The following MSN variants were observed in gnomAD, a reference collection of about 807,000 sequenced individuals.
MSN encodes the protein epididymis luminal protein 70.
A neutral mutation model predicts 48.0 loss-of-function variants in MSN; 2 were observed. The observed-to-expected ratio is 0.04, with a 90% CI of 0.02 to 0.13. The LOEUF is 0.13. Among genes scored for constraint, MSN ranks in the 10% least tolerant of loss-of-function variants. MSN has a pLI of 1.00. For synonymous variants in MSN, 146 were observed against 166.9 expected (o/e 0.87, Z 0.97); for missense variants, 267 against 470.1 (o/e 0.57, Z 3.99).
chrX:65,711,301 C>A (rs1484649605), intron 1 of MSN, among the ~76,000 whole-genome samples: 1 of 111,112 alleles, frequency 9.0e-6, no homozygotes, highest in African/African-American at 3.3e-5. Flanking sequence ...ATCAGGTGAT[C>A]CACCTGCCTC....
At chrX:65,607,637 G>C (rs1156478762) in intron 1 of MSN, among the ~76,000 whole-genome samples, 1 of 111,465 alleles carries the variant, frequency 9.0e-6, no homozygotes, top group Non-Finnish European at 1.9e-5. Flanking sequence ...GTACCCAATT[G>C]TCAATCTTAA....
chrX:65,723,283 T>C (rs1053727804), intron 2 of MSN, among the ~76,000 whole-genome samples: 4 of 112,131 alleles, frequency 3.6e-5, no homozygotes, highest in Non-Finnish European at 7.5e-5. Context: ...TGGAGTAGAA[T>C]ATAAAATTTG....
chrX:65,636,776 C>CAAAAA (rs2070604946), intron 1 of MSN, among the ~76,000 whole-genome samples: 30 of 82,862 alleles, frequency 3.6e-4, no homozygotes, highest in African/African-American at 1.6e-3. Flanking sequence ...AAAAAAAAAC[C>CAAAAA]AGAAAGAAAG....
At chrX:65,615,055 T>C (rs1290583400) in intron 1 of MSN, among the ~76,000 whole-genome samples, 4 of 104,469 alleles carry the variant, frequency 3.8e-5, no homozygotes, top group African/African-American at 1.4e-4. Flanking sequence ...TATGGCTGCA[T>C]AGTATTCCAT....
chrX:65,729,120 A>G (rs2071597112), intron 3 of MSN, among the ~76,000 whole-genome samples: 1 of 112,000 alleles, frequency 8.9e-6, no homozygotes, highest in Admixed American at 9.5e-5. Context: ...GACGAGCTTA[A>G]AAGAAGAGCT....
chrX:65,692,967 A>T (rs1384746471), intron 1 of MSN, among the ~76,000 whole-genome samples: 3 of 112,374 alleles, frequency 2.7e-5, no homozygotes, highest in African/African-American at 9.7e-5. Flanking sequence ...AAAAAAGAAT[A>T]TGTAACCAAG....
chrX:65,640,760 G>A lies in MSN; in HGVS notation c.-22+52148G>A, dbSNP rs1438806957. Among the ~76,000 whole-genome samples the A allele has an allele frequency of 2.7e-5, 3 of 111,446 alleles. 1 individual carries two copies. The highest frequency in any genetic ancestry group is 5.6e-5 in the Non-Finnish European group (3 of 53,127). On this transcript the variant is annotated intron_variant, in intron 1 of 3. Transcript: ENST00000609672. ...TTCTGATGGAGGGCAGAGAAAGGAG[G>A]AAAGGTATGATAGCCTAAATGTACT...
chrX:65,613,508 C>A (rs1222252982), intron 1 of MSN, among the ~76,000 whole-genome samples: 1 of 113,682 alleles, frequency 8.8e-6, no homozygotes, highest in African/African-American at 3.2e-5. Context: ...AAAAGCATTT[C>A]TATTTCTCCA....
At chrX:65,653,949 A>T (rs1490073674) in intron 1 of MSN, among the ~76,000 whole-genome samples, 2 of 105,685 alleles carry the variant, frequency 1.9e-5, no homozygotes, top group African/African-American at 6.9e-5. Flanking sequence ...ATTTTTTTGT[A>T]TTTTTTGGTA....
intron 1 of MSN, among the ~76,000 whole-genome samples, chrX:65,599,370 C>G (rs2021661): frequency 0.087 from 9,745 of 112,229 alleles, 1,100 homozygotes; most frequent in African/African-American, 0.3. Context: ...TGCAGTGGCT[C>G]ACGCCCATAA....
intron 1 of MSN, among the ~76,000 whole-genome samples, chrX:65,678,515 C>T (rs971832734): frequency 9.0e-6 from 1 of 111,482 alleles, no homozygotes; most frequent in African/African-American, 3.3e-5. Flanking sequence ...GCATTTGAAA[C>T]TATTTCTTTG....
In MSN at chrX:65,701,770, A is replaced by G. The variant is rs183602355; in HGVS notation, c.13-15048A>G. On this transcript the variant is annotated intron_variant, in intron 1 of 12. Coordinates refer to ENST00000360270, the MANE Select transcript of MSN (RefSeq NM_002444.3). ...TTATTATTGGTAGACCTGGATCTTG[A>G]GATCAGGTTTTCAGAATACAAAGCT... 2.2e-3 allele frequency among the ~76,000 whole-genome samples: 251 copies of G among 112,047 alleles called. 1 individual carries two copies. Among genetic ancestry groups the G allele is most frequent in the African/African-American group, 7.6e-3 (234 of 30,829 alleles).
chrX:65,624,721 G>A (rs1475716103), intron 1 of MSN: 1 of 106,593 alleles, frequency 9.4e-6, no homozygotes, highest in African/African-American at 3.4e-5. Context: ...GAGAGGTAGA[G>A]GTTGCAGTGA....
intron 1 of MSN, among the ~76,000 whole-genome samples, chrX:65,615,477 G>C (rs2070361570): frequency 9.1e-6 from 1 of 110,259 alleles, no homozygotes; most frequent in Non-Finnish European, 1.9e-5. Flanking sequence ...ATTTTTTCAT[G>C]TGTTTTTTGG....
intron 1 of MSN, among the ~76,000 whole-genome samples, chrX:65,676,178 A>G (rs746939451): frequency 8.9e-6 from 1 of 111,909 alleles, no homozygotes; most frequent in African/African-American, 3.2e-5. Flanking sequence ...GTGGAGGAGT[A>G]TGACGTTTTC....
intron 1 of MSN, among the ~76,000 whole-genome samples, chrX:65,590,212 T>A (rs1364485529): frequency 1.8e-5 from 2 of 111,354 alleles, no homozygotes; most frequent in Non-Finnish European, 3.8e-5. Context: ...TTTGTTGGGA[T>A]GTCCTAGAGG....
At chrX:65,648,437 C>T (rs1205109884) in intron 1 of MSN, among the ~76,000 whole-genome samples, 1 of 111,966 alleles carries the variant, frequency 8.9e-6, no homozygotes, top group Non-Finnish European at 1.9e-5. Flanking sequence ...CCTGTGATCT[C>T]AGCTACTTGG....
intron 1 of MSN, among the ~76,000 whole-genome samples, chrX:65,715,232 A>G (rs1358285312): frequency 9.0e-6 from 1 of 111,619 alleles, no homozygotes; most frequent in Admixed American, 9.5e-5. Context: ...GCCCTCTAGT[A>G]TCATTTGAAG....
rs193093616 is a variant in MSN, at chrX:65,624,171, C to T, written c.-22+35559C>T. 4.6e-4 allele frequency among the ~76,000 whole-genome samples: 51 copies of T among 109,866 alleles called. 2 individuals carry two copies. The South Asian group carries it at 0.016, about 34-fold the overall frequency. On this transcript the variant is annotated intron_variant, in intron 1 of 3. Coordinates refer to the MSN transcript ENST00000609672. ...TCGGCTCACTGCAACCTCCGCCTCC[C>T]GGGCTCAAGTGACTTTCCTGTCTCA... is the stretch of plus-strand genomic sequence containing the variant.
Sources: gnomAD v4.1 joint callset for allele counts (sites outside exome capture counted in the v4.1 genomes callset) on GRCh38, gnomAD v4.1.1 for gene constraint, MANE v1.5 for transcripts, NCBI Gene and HGNC (gene_info 2026-07-23, HGNC 2026-07-21) for gene names.